Variants in MACROD1 observed in about 807,000 individuals in gnomAD.
MACROD1 encodes the protein mono-ADP ribosylhydrolase 1.
Under a neutral mutation model 41.4 loss-of-function variants are expected in MACROD1, and 31 were observed. The ratio of observed to expected loss-of-function variants is 0.75; its 90% CI spans 0.56 to 1.01. MACROD1 has a LOEUF of 1.01. MACROD1 is among the 50% of genes least tolerant of loss of function. The pLI is 0.00. For missense variants in MACROD1, 473 were observed against 460.0 expected (o/e 1.03, Z -0.26); for synonymous variants, 252 against 203.4 (o/e 1.24, Z -2.03).
intron 3 of MACROD1, among the ~76,000 whole-genome samples, chr11:64,130,959 C>T (rs781329955): frequency 2.6e-5 from 4 of 152,266 alleles, no homozygotes; most frequent in Non-Finnish European, 4.4e-5. Flanking sequence ...AACTGGCCGG[C>T]CCGGCGAGGA....
chr11:63,999,523 G>A lies in MACROD1; in HGVS notation c.817+7C>T. 1 of 1,606,774 alleles carries A rather than the reference G, an allele frequency of 6.2e-7. No individual in the cohort carries two copies. The highest frequency in any genetic ancestry group is 2.2e-5 in the East Asian group (1 of 44,658). The stretch of plus-strand genomic sequence containing the variant: ...ACTCCTGGTCCTTGCCTTTCTTCCA[G>A]ACTCACCAAACACGCCGGTGGAGAT... On this transcript the variant is annotated splice_region_variant and intron_variant, in intron 7 of 10. Transcript: ENST00000255681.
chr11:64,126,656 G>A (rs1201059482), intron 3 of MACROD1, among the ~76,000 whole-genome samples: 2 of 152,086 alleles, frequency 1.3e-5, no homozygotes, highest in Non-Finnish European at 2.9e-5. Flanking sequence ...GGAGACCAGG[G>A]AGGGGTCCTT....
At position 64,009,396 on chromosome 11, in the gene MACROD1, TG is replaced by T. The variant is rs376711401; in HGVS notation, c.547+5855del. 2.3e-3 allele frequency among the ~76,000 whole-genome samples: 351 copies of T among 152,208 alleles called. 4 individuals are homozygous for T. Among genetic ancestry groups the T allele is most frequent in the African/African-American group, 8.0e-3 (334 of 41,540 alleles). On this transcript the variant is annotated intron_variant, in intron 4 of 10. Transcript: ENST00000255681. ...CTGAAGCAGACACAGGCCTTCCCCC[TG>T]GGGGGCCCGTCCATCCTGCTCTACC... is the stretch of plus-strand genomic sequence containing the variant.
chr11:64,158,582 C>G (rs547201606), intron 1 of MACROD1, among the ~76,000 whole-genome samples: 11 of 152,196 alleles, frequency 7.2e-5, no homozygotes, highest in Admixed American at 7.2e-4. Flanking sequence ...AACCTCCAAG[C>G]AGGTGCCATT....
In MACROD1 at chr11:64,120,424, C is replaced by T. The variant is rs1204036715; in HGVS notation, c.517+30815G>A. 4.6e-5 allele frequency among the ~76,000 whole-genome samples: 7 copies of T among 152,238 alleles called. No individual in the cohort carries two copies. The highest frequency in any genetic ancestry group is 5.9e-5 in the Non-Finnish European group (4 of 68,048). On this transcript the variant is annotated intron_variant, in intron 3 of 10. Transcript: ENST00000255681. This position sits in a 1 kb window ranked among gnomAD's most constrained non-coding sequence, Gnocchi z 4.5. ...GCCCCAGGCCGGGTGCAGTGGCTCACGCCTGTAATCCCAGCACTTTGGGAG... is the reference window on the plus strand; with the variant it reads ...GCCCCAGGCCGGGTGCAGTGGCTCATGCCTGTAATCCCAGCACTTTGGGAG...
At chr11:64,023,201 T>C (rs1363791763) in intron 3 of MACROD1, among the ~76,000 whole-genome samples, 2 of 152,080 alleles carry the variant, frequency 1.3e-5, no homozygotes, top group African/African-American at 4.8e-5. Context: ...CACACCCTCC[T>C]GTCCCACTTA....
chr11:64,024,709 G>A (rs1478615729), intron 3 of MACROD1, among the ~76,000 whole-genome samples: 4 of 152,224 alleles, frequency 2.6e-5, no homozygotes, highest in African/African-American at 9.6e-5. Flanking sequence ...TGGCGGGTGG[G>A]AGGGTGGAGG....
intron 3 of MACROD1, among the ~76,000 whole-genome samples, chr11:64,059,883 G>A (rs911170932): frequency 6.6e-6 from 1 of 152,134 alleles, no homozygotes; most frequent in African/African-American, 2.4e-5. Flanking sequence ...TCCAGCCCTT[G>A]AAGGCCGAGG....
intron 4 of MACROD1, among the ~76,000 whole-genome samples, chr11:64,003,144 C>A (rs1454163117): frequency 6.6e-6 from 1 of 152,194 alleles, no homozygotes; most frequent in East Asian, 1.9e-4. Context: ...CAGAAGATGG[C>A]CCCTAAGGCC....
rs372483288 is a variant in MACROD1 at position 63,999,013 on chromosome 11, C to T, written c.915G>A (p.Val305=). 1 of 1,608,262 alleles carries T rather than the reference C, an allele frequency of 6.2e-7. No homozygotes were observed. Among genetic ancestry groups the T allele is most frequent in the Non-Finnish European group, 8.5e-7 (1 of 1,177,988 alleles). Residue 305 remains valine (V), a synonymous_variant, in exon 9 of 11, where the codon GTG becomes GTA. Transcript: ENST00000255681. ...AGATGTCCTCGTCCTTCTCGAGGAA[C>T]ACGCAGATGATCAGCCGGTCCACCT... ...KDKVDRLIIC[V]FLEKDEDIYR...
chr11:64,037,692 C>A (rs1399787591), intron 3 of MACROD1, among the ~76,000 whole-genome samples: 1 of 152,136 alleles, frequency 6.6e-6, no homozygotes, highest in African/African-American at 2.4e-5. Flanking sequence ...TTCCCAGACA[C>A]AGAGACTGGA....
intron 3 of MACROD1, among the ~76,000 whole-genome samples, chr11:64,114,866 G>T (rs1274742305): frequency 6.6e-6 from 1 of 152,212 alleles, no homozygotes; most frequent in Non-Finnish European, 1.5e-5. Flanking sequence ...ACCTAGCAGA[G>T]GAGGTAACAT....
rs186871255 is a variant in MACROD1 at position 64,067,390 on chromosome 11, T to C, written c.518-52109A>G. ...CAGCTGCTGACGTGAAAATGAAATATAGATTCAATACCTGAGCCTTTCAGC... is the reference window on the plus strand; with the variant it reads ...CAGCTGCTGACGTGAAAATGAAATACAGATTCAATACCTGAGCCTTTCAGC... On this transcript the variant is annotated intron_variant, in intron 3 of 10. Coordinates refer to ENST00000255681, the MANE Select transcript of MACROD1 (RefSeq NM_014067.4). This position sits in a 1 kb window ranked among gnomAD's most constrained non-coding sequence, Gnocchi z 4.6. 2.2e-4 allele frequency among the ~76,000 whole-genome samples: 33 copies of C among 152,118 alleles called. No homozygotes were observed. The highest frequency in any genetic ancestry group is 3.9e-4 in the East Asian group (2 of 5,156).
chr11:64,029,882 G>A (rs903560829), intron 3 of MACROD1, among the ~76,000 whole-genome samples: 2 of 152,184 alleles, frequency 1.3e-5, no homozygotes, highest in African/African-American at 2.4e-5. Context: ...GGAGGGAGCC[G>A]GGAGAGGCAG....
chr11:64,144,583 C>A (rs1945464561), intron 3 of MACROD1, among the ~76,000 whole-genome samples: 1 of 152,258 alleles, frequency 6.6e-6, no homozygotes, highest in Non-Finnish European at 1.5e-5. Context: ...GAAAGTGGCC[C>A]GGCCCCACCT....
At chr11:64,109,168 T>G (rs1275098638) in intron 3 of MACROD1, among the ~76,000 whole-genome samples, 1 of 152,102 alleles carries the variant, frequency 6.6e-6, no homozygotes, top group African/African-American at 2.4e-5. Flanking sequence ...ATTTCCTTGC[T>G]GGCTTCCAGA....
chr11:64,071,157 A>G (rs1363945034), intron 3 of MACROD1, among the ~76,000 whole-genome samples: 1 of 151,932 alleles, frequency 6.6e-6, no homozygotes, highest in East Asian at 1.9e-4. Context: ...GAGCCCCCTC[A>G]AAATAACCTC....
At chr11:64,048,526 G>C (rs1943628996) in intron 3 of MACROD1, among the ~76,000 whole-genome samples, 1 of 152,320 alleles carries the variant, frequency 6.6e-6, no homozygotes, top group Non-Finnish European at 1.5e-5. Context: ...GCTAGTCCTT[G>C]GCCTGACTCA....
intron 3 of MACROD1, among the ~76,000 whole-genome samples, chr11:64,113,666 C>CATGG (rs909249854): frequency 2.1e-5 from 2 of 95,240 alleles, no homozygotes; most frequent in African/African-American, 4.2e-5. Flanking sequence ...CAGGTGGATG[C>CATGG]ATGGATGGAT....
Sources: gnomAD v4.1 joint callset for allele counts (sites outside exome capture counted in the v4.1 genomes callset) on GRCh38, gnomAD v4.1.1 for gene constraint, Gnocchi (gnomAD v3.1) non-coding constraint, MANE v1.5 for transcripts, NCBI Gene and HGNC (gene_info 2026-07-23, HGNC 2026-07-21) for gene names.